PALS1: variants seen among roughly 807,000 people sequenced by gnomAD.
PALS1 encodes the protein protein PALS1.
PALS1 carries 31 observed loss-of-function variants against 78.9 expected under a neutral mutation model. The ratio of observed to expected loss-of-function variants is 0.39; its 90% CI spans 0.30 to 0.53. PALS1 has a LOEUF of 0.53. Ranked by LOEUF, PALS1 falls within the 20% of genes least tolerant of loss-of-function variation. The pLI is 0.67. For synonymous variants in PALS1, 276 were observed against 270.9 expected, an observed-to-expected ratio of 1.02 and a Z score of -0.18; for missense variants, 704 against 826.5, an observed-to-expected ratio of 0.85 and a Z score of 1.82.
chr14:67,282,924 A>G (rs2084625210), intron 3 of PALS1, among the ~76,000 whole-genome samples: 1 of 152,080 alleles, frequency 6.6e-6, no homozygotes, highest in South Asian at 2.1e-4. Context: ...CAGTTAAGTA[A>G]TTTTGGGCCA....
chr14:67,279,446 A>T lies in PALS1; in HGVS notation c.276A>T (p.Gln92His). 1 of 1,613,418 alleles carries T rather than the reference A, an allele frequency of 6.2e-7. No homozygotes were observed. Among genetic ancestry groups the T allele is most frequent in the Non-Finnish European group, 8.5e-7 (1 of 1,179,748 alleles). The change falls in exon 3 of 15, where the codon CAA becomes CAT. Residue 92 changes from glutamine to histidine, a missense_variant. By Grantham distance (24) the Gln-to-His change is conservative (BLOSUM62 0). Transcript: ENST00000261681. Reference protein sequence around the residue: ...NSSMRLKKLAQIPPKTGIDNP... With the variant: ...NSSMRLKKLAHIPPKTGIDNP... ...CCATGAGACTTAAGAAACTAGCCCAAATTCCTCCAAAGACCGGAATAGATA... is the reference window on the plus strand; with the variant it reads ...CCATGAGACTTAAGAAACTAGCCCATATTCCTCCAAAGACCGGAATAGATA...
intron 2 of PALS1, among the ~76,000 whole-genome samples, chr14:67,276,530 T>C (rs190448603): frequency 4.9e-4 from 75 of 152,316 alleles, no homozygotes; most frequent in African/African-American, 1.8e-3. Context: ...GTTGAACAGA[T>C]ATTTATTGGA....
At chr14:67,295,509 G>A (rs1027845598) in intron 4 of PALS1, among the ~76,000 whole-genome samples, 1 of 150,880 alleles carries the variant, frequency 6.6e-6, no homozygotes, top group Non-Finnish European at 1.5e-5. Flanking sequence ...AAAACTCTTG[G>A]AAATTAATAA....
At chr14:67,276,448 A>G (rs1363569449) in intron 2 of PALS1, among the ~76,000 whole-genome samples, 1 of 152,092 alleles carries the variant, frequency 6.6e-6, no homozygotes, top group Non-Finnish European at 1.5e-5. Flanking sequence ...ATGTATCCTT[A>G]TGTTTTGAGT....
intron 14 of PALS1, among the ~76,000 whole-genome samples, chr14:67,325,984 T>C (rs889321947): frequency 5.5e-4 from 80 of 145,190 alleles, no homozygotes; most frequent in Admixed American, 1.2e-3. Flanking sequence ...CTTTTCTTTT[T>C]TTTTTTTTTT....
intron 4 of PALS1, among the ~76,000 whole-genome samples, chr14:67,297,794 A>T (rs1353142125): frequency 6.6e-6 from 1 of 152,262 alleles, no homozygotes; most frequent in Non-Finnish European, 1.5e-5. Context: ...TAAATATTTC[A>T]GTGCTATTTG....
rs112471285 is a variant in PALS1, at chr14:67,261,989, C to G, written c.-236-7712C>G. On this transcript the variant is annotated intron_variant, in intron 1 of 14. Coordinates refer to ENST00000261681, the MANE Select transcript of PALS1 (RefSeq NM_022474.4). ...AGGAAGCATGTAGTCAGCATGGTAT[C>G]TTACAGACATGTAACTAACACAGCA... Among the ~76,000 whole-genome samples, 1,116 of 152,186 alleles carry G rather than the reference C, an allele frequency of 7.3e-3. 12 individuals are homozygous for G. Among genetic ancestry groups the G allele is most frequent in the African/African-American group, 0.024 (1,004 of 41,536 alleles).
At chr14:67,256,053 A>G (rs1232659747) in intron 1 of PALS1, among the ~76,000 whole-genome samples, 2 of 152,108 alleles carry the variant, frequency 1.3e-5, no homozygotes, top group African/African-American at 2.4e-5. Context: ...CAGAAAAGTA[A>G]TATCTTTGTG....
intron 1 of PALS1, among the ~76,000 whole-genome samples, chr14:67,267,776 A>G (rs1380030731): frequency 6.6e-6 from 1 of 152,104 alleles, no homozygotes; most frequent in Non-Finnish European, 1.5e-5. Context: ...TCTCCAGGAA[A>G]CCACCAAACT....
In PALS1 at chr14:67,312,698, G is replaced by A. The variant is rs932522847; in HGVS notation, c.1213G>A (p.Gly405Arg). The A allele has an allele frequency of 1.7e-5, 27 of 1,605,846 alleles. No individual in the cohort carries two copies. The highest frequency in any genetic ancestry group is 2.0e-5 in the Non-Finnish European group (23 of 1,175,810). ...EGDEDNQPLA[G>R]LVPGKSFQQQ... ...GGACGAAGATAATCAACCTCTAGCC[G>A]GGCTTGTTCCAGGTAAGACACAATA... is the stretch of plus-strand genomic sequence containing the variant. The change falls in exon 9 of 15, where the codon GGG (glycine) becomes AGG (arginine). Residue 405 changes from glycine (G) to arginine (R), a missense_variant. By Grantham distance (125) the Gly-to-Arg change is moderately radical. Transcript: ENST00000261681.
chr14:67,278,047 T>G (rs2084534235), intron 2 of PALS1, among the ~76,000 whole-genome samples: 1 of 151,736 alleles, frequency 6.6e-6, no homozygotes, highest in African/African-American at 2.4e-5. Flanking sequence ...TCTTTTTTTT[T>G]TTTTTTTGAG....
At chr14:67,329,861 AATAAATAAATAAATAAATAG>A (rs1200116862) in intron 14 of PALS1, among the ~76,000 whole-genome samples, 1 of 150,484 alleles carries the variant, frequency 6.6e-6, no homozygotes, top group Non-Finnish European at 1.5e-5. Flanking sequence ...TAAATAAATA[AATAAATAAATAAATAAATAG>A]ATATAGAAAC....
intron 6 of PALS1, 42 bp from the exon 7 acceptor site, chr14:67,302,368 G>C: frequency 7.8e-7 from 1 of 1,282,116 alleles, no homozygotes; most frequent in Non-Finnish European, 1.0e-6. Context: ...AACAAAAATT[G>C]TATTATTTTT....
chr14:67,244,532 A>G (rs900285792), intron 1 of PALS1, among the ~76,000 whole-genome samples: 2 of 152,224 alleles, frequency 1.3e-5, no homozygotes, highest in African/African-American at 4.8e-5. Flanking sequence ...TCATTGTACA[A>G]TTCCAACTCA....
chr14:67,262,870 A>G (rs909574153), intron 1 of PALS1, among the ~76,000 whole-genome samples: 5 of 152,186 alleles, frequency 3.3e-5, no homozygotes, highest in Admixed American at 3.3e-4. Context: ...CAGCAAAGCC[A>G]TATTGCAGGT....
At chr14:67,252,233 A>G (rs902827034) in intron 1 of PALS1, among the ~76,000 whole-genome samples, 3 of 152,156 alleles carry the variant, frequency 2.0e-5, no homozygotes, top group Non-Finnish European at 2.9e-5. Context: ...TCTGTCACCC[A>G]GGCTGGAGTG....
chr14:67,311,513 T>G (rs1201546642), intron 8 of PALS1, among the ~76,000 whole-genome samples: 3 of 152,140 alleles, frequency 2.0e-5, no homozygotes, highest in Non-Finnish European at 4.4e-5. Flanking sequence ...TGAAGTAGAT[T>G]TCTTATAGAT....
intron 3 of PALS1, among the ~76,000 whole-genome samples, chr14:67,280,837 T>A: frequency 7.5e-6 from 1 of 133,446 alleles, no homozygotes; most frequent in Admixed American, 7.8e-5. Context: ...CCTTCCTTCC[T>A]TCCTTCCTTC....
Position 67,302,104 on chromosome 14 carries a change from C to G in PALS1, c.787C>G (p.Arg263Gly). 4 of 1,601,038 alleles carry G rather than the reference C, an allele frequency of 2.5e-6. No homozygotes were observed. Among genetic ancestry groups the G allele is most frequent in the Non-Finnish European group, 3.4e-6 (4 of 1,174,510 alleles). ...AAAAATAGTTCGTATAGAAAAGGCTCGTGATATTCCGTTGGTAAGTGTCCC... is the reference window on the plus strand; with the variant it reads ...AAAAATAGTTCGTATAGAAAAGGCTGGTGATATTCCGTTGGTAAGTGTCCC... ...TVKIVRIEKA[R>G]DIPLGATVRN... is the part of the protein sequence containing the mutation. Residue 263 changes from arginine (R) to glycine (G), a missense_variant, in exon 6 of 15, where the codon CGT (arginine) becomes GGT (glycine). Arg to Gly is a moderately radical substitution (Grantham distance 125). Transcript: ENST00000261681.
Sources: gnomAD v4.1 joint callset for allele counts (sites outside exome capture counted in the v4.1 genomes callset) on GRCh38, gnomAD v4.1.1 for gene constraint, MANE v1.5 for transcripts, NCBI Gene and HGNC (gene_info 2026-07-23, HGNC 2026-07-21) for gene names.